TLE4: variants seen among roughly 807,000 people sequenced by gnomAD.
TLE4 encodes the protein transducin-like enhancer protein 4.
Under a neutral mutation model 92.8 loss-of-function variants are expected in TLE4, and 8 were observed. That is an observed-to-expected ratio of 0.09 (90% CI 0.05 to 0.16). The LOEUF is 0.16. Ranked by LOEUF, TLE4 falls within the 10% of genes least tolerant of loss-of-function variation. The pLI, the probability that TLE4 is intolerant of heterozygous loss-of-function variation, is 1.00. For missense variants in TLE4, 675 were observed against 997.6 expected, an observed-to-expected ratio of 0.68 and a Z score of 4.36; for synonymous variants, 371 against 374.1, an observed-to-expected ratio of 0.99 and a Z score of 0.10.
At chr9:79,699,048 G>T (rs1256334794) in intron 8 of TLE4, among the ~76,000 whole-genome samples, 1 of 152,060 alleles carries the variant, frequency 6.6e-6, no homozygotes, top group Non-Finnish European at 1.5e-5. Context: ...GTAGTTTGAT[G>T]TACGTAGGTT....
At chr9:79,616,500 C>T (rs978819423) in intron 5 of TLE4, among the ~76,000 whole-genome samples, 4 of 152,138 alleles carry the variant, frequency 2.6e-5, no homozygotes, top group African/African-American at 9.7e-5. Flanking sequence ...GCCCTCCCTC[C>T]CTTTTCTAAT....
intron 14 of TLE4, among the ~76,000 whole-genome samples, chr9:79,712,889 G>C (rs1032940745): frequency 6.6e-6 from 1 of 152,200 alleles, no homozygotes; most frequent in Non-Finnish European, 1.5e-5. Context: ...AAAAATAAAA[G>C]ATCTCACGTT....
At chr9:79,686,717 T>C (rs976047797) in intron 8 of TLE4, among the ~76,000 whole-genome samples, 1 of 152,186 alleles carries the variant, frequency 6.6e-6, no homozygotes, top group Non-Finnish European at 1.5e-5. Context: ...GGAGGGAGCA[T>C]GGTCCTGCCA....
chr9:79,617,401 A>G (rs2049901713), intron 5 of TLE4, among the ~76,000 whole-genome samples: 1 of 152,172 alleles, frequency 6.6e-6, no homozygotes, highest in Non-Finnish European at 1.5e-5. Context: ...AAGATAGGGT[A>G]TGTTTCACAG....
chr9:79,601,465 C>T (rs934005703), intron 4 of TLE4: 17 of 455,356 alleles, frequency 3.7e-5, no homozygotes, highest in Admixed American at 3.3e-4. Flanking sequence ...TGGAGCTGTT[C>T]TTCCAATAGC....
At chr9:79,605,078 G>T (rs1483197032) in intron 4 of TLE4, among the ~76,000 whole-genome samples, 3 of 152,088 alleles carry the variant, frequency 2.0e-5, no homozygotes, top group African/African-American at 7.2e-5. Flanking sequence ...CAGGCAGCTG[G>T]CAAGGCTTGC....
chr9:79,663,950 A>T (rs1460378057), intron 8 of TLE4, among the ~76,000 whole-genome samples: 1 of 152,232 alleles, frequency 6.6e-6, no homozygotes, highest in East Asian at 1.9e-4. Flanking sequence ...CACTTCATAA[A>T]GCCAATAAAG....
intron 5 of TLE4, among the ~76,000 whole-genome samples, chr9:79,620,936 T>C (rs1174907790): frequency 6.6e-6 from 1 of 152,074 alleles, no homozygotes; most frequent in African/African-American, 2.4e-5. Flanking sequence ...GGCCAGATAT[T>C]GTGAGAACTC....
chr9:79,637,210 A>G (rs2056081886), intron 6 of TLE4, among the ~76,000 whole-genome samples: 1 of 151,646 alleles, frequency 6.6e-6, no homozygotes, highest in South Asian at 2.1e-4. Context: ...TGAAAAAGGT[A>G]ACTAAATATA....
intron 1 of TLE4, chr9:79,573,364 A>C: frequency 8.8e-7 from 1 of 1,135,508 alleles, no homozygotes; most frequent in South Asian, 2.9e-5. Context: ...GCCAGTTTCG[A>C]TTCCGGGTGA....
At chr9:79,592,794 G>C (rs2043031689) in intron 4 of TLE4, among the ~76,000 whole-genome samples, 1 of 151,948 alleles carries the variant, frequency 6.6e-6, no homozygotes, top group Non-Finnish European at 1.5e-5. Flanking sequence ...TGTATGACTT[G>C]GCCAACAACT....
At chr9:79,708,019 A>AT (rs2072170049) in intron 11 of TLE4, 99 bp from the exon 12 acceptor site, 5 of 1,298,878 alleles carry the variant, frequency 3.8e-6, no homozygotes, top group Non-Finnish European at 5.3e-6. Context: ...AACCTCTTCC[A>AT]TTTCTTTTCC....
intron 5 of TLE4, among the ~76,000 whole-genome samples, chr9:79,623,768 G>T (rs1281942636): frequency 1.3e-5 from 2 of 149,746 alleles, no homozygotes; most frequent in East Asian, 2.0e-4. Flanking sequence ...TAAATAATTG[G>T]GCATTTGTTT....
At chr9:79,667,320 C>G (rs1035018630) in intron 8 of TLE4, among the ~76,000 whole-genome samples, 2 of 152,158 alleles carry the variant, frequency 1.3e-5, no homozygotes, top group African/African-American at 4.8e-5. Context: ...GGGCCAGGGC[C>G]CACGTCAGGG....
chr9:79,704,609 T>C (rs2070975967), intron 8 of TLE4, 174 bp from the exon 9 acceptor site: 1 of 783,834 alleles, frequency 1.3e-6, no homozygotes, highest in South Asian at 2.2e-5. Context: ...TGTCTTTCCC[T>C]TTATATCCCT....
chr9:79,630,881 G>A (rs2053994587), intron 6 of TLE4, among the ~76,000 whole-genome samples: 1 of 152,132 alleles, frequency 6.6e-6, no homozygotes, highest in Non-Finnish European at 1.5e-5. Flanking sequence ...AGTTTAGTCA[G>A]TGTGAATAGT....
chr9:79,649,178 G>T, intron 6 of TLE4, among the ~76,000 whole-genome samples: 1 of 152,068 alleles, frequency 6.6e-6, no homozygotes, highest in South Asian at 2.1e-4. Flanking sequence ...GTGTGTGTGT[G>T]TAGAGGAGGG....
chr9:79,639,859 C>G (rs1361189131), intron 6 of TLE4, among the ~76,000 whole-genome samples: 2 of 152,206 alleles, frequency 1.3e-5, no homozygotes, highest in African/African-American at 4.8e-5. Context: ...CAGAATATCC[C>G]TATAGTTAAG....
In TLE4 at chr9:79,721,765, A is replaced by G. The variant is rs756726472; in HGVS notation, c.1863A>G (p.Gly621=). The G allele has an allele frequency of 6.2e-7, 1 of 1,614,194 alleles. No individual in the cohort carries two copies. The highest frequency in any genetic ancestry group is 8.5e-7 in the Non-Finnish European group (1 of 1,180,032). Residue 621 remains glycine (G), a synonymous_variant, in exon 17 of 20, where the codon GGA becomes GGG. Transcript: ENST00000376552. Reference sequence around the variant, plus strand: ...GGCAATTCCAGGGCCACACAGATGGAGCCAGCTGTATTGACATTTCTAATG... The same window carrying G: ...GGCAATTCCAGGGCCACACAGATGGGGCCAGCTGTATTGACATTTCTAATG... ...LVRQFQGHTD[G]ASCIDISNDG...
Sources: gnomAD v4.1 joint callset for allele counts (sites outside exome capture counted in the v4.1 genomes callset) on GRCh38, gnomAD v4.1.1 for gene constraint, MANE v1.5 for transcripts, NCBI Gene and HGNC (gene_info 2026-07-23, HGNC 2026-07-21) for gene names.